Variants in RRAGD observed in about 807,000 individuals in gnomAD.
The protein encoded by RRAGD is ras-related GTP-binding protein D.
RRAGD carries 12 observed loss-of-function variants against 35.5 expected under a neutral mutation model. The ratio of observed to expected loss-of-function variants is 0.34; its 90% CI spans 0.22 to 0.55. RRAGD has a LOEUF of 0.55. Among genes scored for constraint, RRAGD ranks in the 20% least tolerant of loss-of-function variants. The probability of loss-of-function intolerance (pLI) is 0.91; values close to 1 mark genes in which losing one functional copy is unlikely to be tolerated. For synonymous variants in RRAGD, 155 were observed against 178.9 expected, an observed-to-expected ratio of 0.87 and a Z score of 1.07; for missense variants, 324 against 490.1, an observed-to-expected ratio of 0.66 and a Z score of 3.20.
chr6:89,402,041 T>TTTTTTTTTTC lies in RRAGD; in HGVS notation c.148+9804_148+9805insGAAAAAAAAA. On this transcript the variant is annotated intron_variant, in intron 1 of 6. Coordinates refer to ENST00000369415, the MANE Select transcript of RRAGD (RefSeq NM_021244.5). ...AAGCACTGAGGAAATCCTAAGGATT[T>TTTTTTTTTTC]TTTTTTTTTTTTTTTTTTTGGTGGG... is the stretch of plus-strand genomic sequence containing the variant. Among the ~76,000 whole-genome samples the TTTTTTTTTTC allele has an allele frequency of 2.3e-5, 3 of 128,960 alleles. 1 individual carries two copies. Among genetic ancestry groups the TTTTTTTTTTC allele is most frequent in the African/African-American group, 9.7e-5 (3 of 30,876 alleles). 84.6% of individuals were successfully genotyped at this position (128,960 alleles called of 152,430 possible).
At chr6:89,386,362 C>T (rs1314800264) in intron 2 of RRAGD, among the ~76,000 whole-genome samples, 2 of 152,116 alleles carry the variant, frequency 1.3e-5, no homozygotes, top group African/African-American at 4.8e-5. Context: ...AGCAGAAAAG[C>T]CTCAGGATGT....
chr6:89,380,463 C>T lies in RRAGD; in HGVS notation c.445-96G>A. 5 of 1,002,966 alleles carry T rather than the reference C, an allele frequency of 5.0e-6. No individual in the cohort carries two copies. The South Asian group carries it at 7.9e-5, about 16-fold the overall frequency. 62.1% of individuals were successfully genotyped at this position (1,002,966 alleles called of 1,614,324 possible). ...CTGGAAACCATGTGGCTGCAACCCCCCGAAATACGTTGCAAAGGTTCCCCT... is the reference window on the plus strand; with the variant it reads ...CTGGAAACCATGTGGCTGCAACCCCTCGAAATACGTTGCAAAGGTTCCCCT... On this transcript the variant is annotated intron_variant, in intron 2 of 6. Transcript: ENST00000369415.
intron 5 of RRAGD, 91 bp downstream of exon 5, chr6:89,377,580 A>G (rs1768969592): frequency 1.7e-6 from 2 of 1,175,258 alleles, no homozygotes; most frequent in Non-Finnish European, 2.3e-6. Flanking sequence ...CAAAAATGTT[A>G]AAGTTAAGTA....
intron 1 of RRAGD, among the ~76,000 whole-genome samples, chr6:89,404,499 C>T (rs1769541020): frequency 6.6e-6 from 1 of 152,182 alleles, no homozygotes; most frequent in Non-Finnish European, 1.5e-5. Flanking sequence ...CTCACCTCTC[C>T]TCCACTTGGT....
chr6:89,382,017 CAA>C (rs35643719), intron 2 of RRAGD, among the ~76,000 whole-genome samples: 53 of 125,144 alleles, frequency 4.2e-4, no homozygotes, highest in Non-Finnish European at 4.1e-4. Context: ...GTTTTTATGG[CAA>C]AAAAAAAAAA....
chr6:89,405,128 A>G (rs185618650), intron 1 of RRAGD, among the ~76,000 whole-genome samples: 65 of 152,234 alleles, frequency 4.3e-4, no homozygotes, highest in Non-Finnish European at 8.4e-4. Context: ...AGGTGGGCGG[A>G]TCACGAGGTC....
At position 89,397,885 on chromosome 6, in the gene RRAGD, A is replaced by T. The variant is rs187635169; in HGVS notation, c.149-10295T>A. On this transcript the variant is annotated intron_variant, in intron 1 of 6. Coordinates refer to ENST00000369415, the MANE Select transcript of RRAGD (RefSeq NM_021244.5). ...GGCAGGGCTGGGCACAGTGGCTCAT[A>T]CCTGTAATCCCAGCACTGTGGGAGG... Among the ~76,000 whole-genome samples, 9 of 152,316 alleles carry T rather than the reference A, an allele frequency of 5.9e-5. 1 individual carries two copies. The highest frequency in any genetic ancestry group is 5.2e-4 in the Admixed American group (8 of 15,294).
intron 2 of RRAGD, among the ~76,000 whole-genome samples, chr6:89,380,850 T>C (rs951016018): frequency 6.7e-6 from 1 of 149,668 alleles, no homozygotes; most frequent in Non-Finnish European, 1.5e-5. Context: ...GAGATTGCAG[T>C]GAGCTGAGAT....
chr6:89,407,335 G>C (rs1365419530), intron 1 of RRAGD, among the ~76,000 whole-genome samples: 1 of 152,116 alleles, frequency 6.6e-6, no homozygotes, highest in Non-Finnish European at 1.5e-5. Context: ...AATAAAGGAG[G>C]TAGAGAAGAA....
intron 1 of RRAGD, among the ~76,000 whole-genome samples, chr6:89,394,467 T>C (rs980817982): frequency 1.3e-5 from 2 of 152,198 alleles, no homozygotes; most frequent in African/African-American, 4.8e-5. Flanking sequence ...CTCATTAATA[T>C]ACCAATCATA....
At chr6:89,386,221 G>C (rs527719707) in intron 2 of RRAGD, among the ~76,000 whole-genome samples, 1 of 152,322 alleles carries the variant, frequency 6.6e-6, no homozygotes, top group South Asian at 2.1e-4. Context: ...CATTTTCTAA[G>C]AGCCCCAGAC....
At chr6:89,390,906 A>T (rs978869193) in intron 1 of RRAGD, among the ~76,000 whole-genome samples, 2 of 151,964 alleles carry the variant, frequency 1.3e-5, no homozygotes, top group Non-Finnish European at 2.9e-5. Context: ...TTAAAAAAAG[A>T]TTAAACATAC....
intron 2 of RRAGD, among the ~76,000 whole-genome samples, chr6:89,385,241 A>C (rs1318854857): frequency 1.3e-5 from 2 of 152,224 alleles, no homozygotes; most frequent in East Asian, 3.8e-4. Flanking sequence ...CCATAAATGC[A>C]AATTGCTATG....
chr6:89,391,128 T>C (rs1269426726), intron 1 of RRAGD, among the ~76,000 whole-genome samples: 1 of 152,136 alleles, frequency 6.6e-6, no homozygotes, highest in African/African-American at 2.4e-5. Context: ...CTCATGTCTA[T>C]AATCCCAGTA....
At chr6:89,406,952 C>T (rs951946749) in intron 1 of RRAGD, among the ~76,000 whole-genome samples, 4 of 152,200 alleles carry the variant, frequency 2.6e-5, no homozygotes, top group African/African-American at 9.7e-5. Context: ...CCATCACACA[C>T]CCTGCAAGGG....
chr6:89,396,189 A>C lies in RRAGD; in HGVS notation c.149-8599T>G, dbSNP rs1054362707. On this transcript the variant is annotated intron_variant, in intron 1 of 6. Transcript: ENST00000369415. ...AAAATAACAATAATAAAATTTAGAA[A>C]GAAAAGCACAACAAATACAAAAATG... is the stretch of plus-strand genomic sequence containing the variant. Among the ~76,000 whole-genome samples, 5 of 152,174 alleles carry C rather than the reference A, an allele frequency of 3.3e-5. 1 individual carries two copies. The South Asian group carries it at 1.0e-3, about 31-fold the overall frequency.
intron 2 of RRAGD, among the ~76,000 whole-genome samples, chr6:89,382,582 TAAATA>T (rs1302600919): frequency 1.4e-5 from 2 of 147,106 alleles, no homozygotes; most frequent in African/African-American, 5.1e-5. Flanking sequence ...CTGTAAAAAT[TAAATA>T]AAATGAGGCC....
rs114305553 is a variant in RRAGD at position 89,391,683 on chromosome 6, T to C, written c.149-4093A>G. 9.9e-3 allele frequency among the ~76,000 whole-genome samples: 1,513 copies of C among 152,258 alleles called. 24 individuals are homozygous for C. Among genetic ancestry groups the C allele is most frequent in the African/African-American group, 0.033 (1,376 of 41,542 alleles). On this transcript the variant is annotated intron_variant, in intron 1 of 6. Coordinates refer to ENST00000369415, the MANE Select transcript of RRAGD (RefSeq NM_021244.5). ...ATGTTCTGGAATTTGCCAGGCATGG[T>C]GGCTCACACCTGTAATCATAGCACT...
At chr6:89,376,304 TGTGTGTG>T in intron 5 of RRAGD, among the ~76,000 whole-genome samples, 1 of 18,700 alleles carries the variant, frequency 5.3e-5, no homozygotes, top group Non-Finnish European at 8.8e-5. Context: ...GTGTGTGGTG[TGTGTGTG>T]TGTGTGTGTG....
Sources: allele counts gnomAD v4.1 joint callset (sites outside exome capture counted in the v4.1 genomes callset), GRCh38; gene constraint gnomAD v4.1.1; transcripts MANE v1.5; gene names NCBI Gene and HGNC (gene_info 2026-07-23, HGNC 2026-07-21).